Variants in CCDC88C observed in about 807,000 individuals in gnomAD.
CCDC88C encodes coiled-coil and HOOK domain protein 88C.
A neutral mutation model predicts 198.8 loss-of-function variants in CCDC88C; 131 were observed. The ratio of observed to expected loss-of-function variants is 0.66; its 90% confidence interval spans 0.57 to 0.76. The LOEUF (loss-of-function observed/expected upper bound fraction) is 0.76. Among genes scored for constraint, CCDC88C ranks in the 30% least tolerant of loss-of-function variants. The probability of loss-of-function intolerance (pLI) is 0.00; values close to 1 mark genes in which losing one functional copy is unlikely to be tolerated. For synonymous variants in CCDC88C, 1,166 were observed against 1,114.7 expected (o/e 1.05, Z -0.92); for missense variants, 2,553 against 2,631.6 (o/e 0.97, Z 0.65).
At chr14:91,280,346 ACAG>A (rs1330531743) in intron 27 of CCDC88C, among the ~76,000 whole-genome samples, 2 of 152,210 alleles carry the variant, frequency 1.3e-5, no homozygotes, top group African/African-American at 2.4e-5. Flanking sequence ...TGCTCTGCAA[ACAG>A]CAGATGTCCA....
chr14:91,331,831 T>A (rs1473710160), intron 10 of CCDC88C, among the ~76,000 whole-genome samples: 1 of 152,124 alleles, frequency 6.6e-6, no homozygotes, highest in African/African-American at 2.4e-5. Flanking sequence ...GGGACAAGAC[T>A]TGCCCAACAC....
chr14:91,409,059 G>T (rs1346042766), intron 2 of CCDC88C, among the ~76,000 whole-genome samples: 1 of 152,024 alleles, frequency 6.6e-6, no homozygotes, highest in Non-Finnish European at 1.5e-5. Flanking sequence ...CCACATATCA[G>T]TGCAGACCCC....
chr14:91,366,415 C>A (rs987240777), intron 3 of CCDC88C, among the ~76,000 whole-genome samples: 1 of 151,842 alleles, frequency 6.6e-6, no homozygotes, highest in African/African-American at 2.4e-5. Flanking sequence ...GAACCCGGGA[C>A]GCAGAGATTG....
At chr14:91,285,796 G>C in intron 25 of CCDC88C, 1 of 1,288,932 alleles carries the variant, frequency 7.8e-7, no homozygotes, top group Non-Finnish European at 1.0e-6. Flanking sequence ...CTTTGTCCTT[G>C]TTTTTGCTTT....
intron 3 of CCDC88C, 110 bp from the exon 4 acceptor site, chr14:91,359,821 G>T: frequency 1.1e-6 from 1 of 946,430 alleles, no homozygotes. Flanking sequence ...CAGCCATCCC[G>T]TGGTGACTAC....
intron 3 of CCDC88C, among the ~76,000 whole-genome samples, chr14:91,401,736 T>G (rs1886217228): frequency 6.6e-6 from 1 of 152,160 alleles, no homozygotes; most frequent in Non-Finnish European, 1.5e-5. Flanking sequence ...ACCTTTGAAG[T>G]CAAAAGTGGA....
chr14:91,293,518 CTGTCCCCT>C (rs1567055654), intron 23 of CCDC88C, among the ~76,000 whole-genome samples: 2 of 134,304 alleles, frequency 1.5e-5, no homozygotes, highest in Non-Finnish European at 1.7e-5. Context: ...GCCTACCTTC[CTGTCCCCT>C]CACCTGCCAC....
chr14:91,363,864 C>T lies in CCDC88C; in HGVS notation c.271-4153G>A, dbSNP rs546925246. ...GGGCTGGCCCTCAGTCTGGCAGGGACGTGAGGAGGCTGCTGACGAGGGGAC... is the reference window on the plus strand; with the variant it reads ...GGGCTGGCCCTCAGTCTGGCAGGGATGTGAGGAGGCTGCTGACGAGGGGAC... On this transcript the variant is annotated intron_variant, in intron 3 of 29. Transcript: ENST00000389857. Among the ~76,000 whole-genome samples the T allele has an allele frequency of 2.6e-5, 4 of 152,224 alleles. No homozygotes were observed. The South Asian group carries it at 6.2e-4, about 24-fold the overall frequency.
chr14:91,337,989 C>CA lies in CCDC88C; in HGVS notation c.1050+15dup. On this transcript the variant is annotated intron_variant, in intron 10 of 29. Coordinates refer to ENST00000389857, the MANE Select transcript of CCDC88C (RefSeq NM_001080414.4). Reference sequence around the variant, plus strand: ...CCAGCAGCCCCATCCAGGGGCCTCACAGCAAGGCTCCCTACCTCCATGCGG... The same window carrying CA: ...CCAGCAGCCCCATCCAGGGGCCTCACAAGCAAGGCTCCCTACCTCCATGCGG... 4 of 1,608,062 alleles carry CA rather than the reference C, an allele frequency of 2.5e-6. No individual in the cohort carries two copies. Among genetic ancestry groups the CA allele is most frequent in the Non-Finnish European group, 2.5e-6 (3 of 1,179,800 alleles).
chr14:91,375,615 C>T (rs536427106), intron 3 of CCDC88C, among the ~76,000 whole-genome samples: 1 of 152,194 alleles, frequency 6.6e-6, no homozygotes, highest in South Asian at 2.1e-4. Context: ...CAGGGCCGGC[C>T]GAGAGCCCAC....
In CCDC88C at chr14:91,371,804, G is replaced by A. The variant is rs573376682; in HGVS notation, c.271-12093C>T. On this transcript the variant is annotated intron_variant, in intron 3 of 29. Transcript: ENST00000389857. The surrounding 1 kb of genome is among the most constrained non-coding windows in gnomAD (Gnocchi z 4.2). Reference sequence around the variant, plus strand: ...TATGCCAGGGCAGGGCTGGGGCCACGCCACACCCTGGCAGCCCTCACCCGG... The same window carrying A: ...TATGCCAGGGCAGGGCTGGGGCCACACCACACCCTGGCAGCCCTCACCCGG... Among the ~76,000 whole-genome samples the A allele has an allele frequency of 4.6e-5, 7 of 152,156 alleles. No homozygotes were observed. The highest frequency in any genetic ancestry group is 6.5e-5 in the Admixed American group (1 of 15,276).
At position 91,289,349 on chromosome 14, in the gene CCDC88C, TAGA is replaced by T. The variant is rs1890562786; in HGVS notation, c.4203-9_4203-7del. On this transcript the variant is annotated splice_polypyrimidine_tract_variant and splice_region_variant and intron_variant, in intron 24 of 29. Transcript: ENST00000389857. ...CTCCAATCCAGTGGTTCTTCCTGGT[TAGA>T]AGTAGATGTTTAGGACATAGCCAGC... 2.5e-6 allele frequency: 4 copies of T among 1,613,032 alleles called. No homozygotes were observed. The highest frequency in any genetic ancestry group is 1.1e-5 in the South Asian group (1 of 91,072).
chr14:91,301,762 C>G (rs1383677741), intron 20 of CCDC88C, among the ~76,000 whole-genome samples: 1 of 152,188 alleles, frequency 6.6e-6, no homozygotes, highest in African/African-American at 2.4e-5. Context: ...TTATTTAATA[C>G]GACATAACAT....
intron 3 of CCDC88C, among the ~76,000 whole-genome samples, chr14:91,372,042 G>A (rs1440147312): frequency 6.6e-6 from 1 of 152,120 alleles, no homozygotes; most frequent in African/African-American, 2.4e-5. Context: ...AGCACAAGGG[G>A]TACCAGCACT....
At chr14:91,300,375 T>G (rs979143898) in intron 20 of CCDC88C, among the ~76,000 whole-genome samples, 5 of 152,238 alleles carry the variant, frequency 3.3e-5, no homozygotes, top group African/African-American at 1.2e-4. Flanking sequence ...ATGTGATGAC[T>G]ACATTTTCTG....
At chr14:91,384,546 C>A in intron 3 of CCDC88C, 1 of 496,612 alleles carries the variant, frequency 2.0e-6, no homozygotes, top group Non-Finnish European at 4.1e-6. Context: ...AATCATCACC[C>A]CATCTCTTAA....
Position 91,408,686 on chromosome 14 carries a change from C to T in CCDC88C, c.243G>A (p.Leu81=). Residue 81 remains leucine (L), a synonymous_variant, in exon 3 of 30, where the codon TTG becomes TTA. Coordinates refer to ENST00000389857, the MANE Select transcript of CCDC88C (RefSeq NM_001080414.4). The part of the protein sequence containing the change: ...VNLRIQNLTI[L]VRNIKTYYQE... ...GGTAGTAGGTCTTAATGTTTCTCAC[C>T]AAGATGGTCAAATTCTGAATGCGAA... The T allele has an allele frequency of 1.2e-6, 2 of 1,612,516 alleles. No individual in the cohort carries two copies. Among genetic ancestry groups the T allele is most frequent in the Non-Finnish European group, 1.7e-6 (2 of 1,178,540 alleles).
intron 25 of CCDC88C, chr14:91,285,900 T>C: frequency 1.1e-6 from 1 of 932,436 alleles, no homozygotes; most frequent in South Asian, 1.5e-5. Context: ...ATAAATGAAA[T>C]GAACAATAAT....
At chr14:91,379,944 G>A in intron 3 of CCDC88C, 1 of 702,778 alleles carries the variant, frequency 1.4e-6, no homozygotes, top group South Asian at 1.5e-5. Flanking sequence ...CTGAATACAG[G>A]CTCACTACGG....
Sources: allele counts gnomAD v4.1 joint callset (sites outside exome capture counted in the v4.1 genomes callset), GRCh38; gene constraint gnomAD v4.1.1; non-coding constraint Gnocchi (gnomAD v3.1); transcripts MANE v1.5; gene names NCBI Gene and HGNC (gene_info 2026-07-23, HGNC 2026-07-21).